The following FAM185A variants were observed in gnomAD, a reference collection of about 807,000 sequenced individuals.
FAM185A encodes family with sequence similarity 185 member A.
FAM185A carries 21 observed loss-of-function variants against 45.7 expected under a neutral mutation model. That is an observed-to-expected ratio of 0.46 (90% CI 0.33 to 0.66). FAM185A has a LOEUF of 0.66. FAM185A is among the 30% of genes least tolerant of loss of function. The pLI is 0.03. For synonymous variants in FAM185A, 117 were observed against 194.0 expected (o/e 0.60, Z 3.30); for missense variants, 305 against 485.4 (o/e 0.63, Z 3.49).
rs1431478540 is a variant in FAM185A at position 102,749,053 on chromosome 7, G to A, written c.-155G>A. 3 of 1,169,246 alleles carry A rather than the reference G, an allele frequency of 2.6e-6. No individual in the cohort carries two copies. The highest frequency in any genetic ancestry group is 2.0e-5 in the Admixed American group (1 of 50,570). The allele number at this position is 1,169,246 out of a possible 1,614,324, so 72.4% of individuals were successfully genotyped here. A position where few individuals can be genotyped will look rare whatever the true frequency, so the allele number is the denominator to read the frequency against. ...GGATTGCGCGGCTGATGTTTAGAAC[G>A]CCTAGTCAAGCCAACCGGCTCGCTC... On this transcript the variant is annotated 5_prime_UTR_variant, in exon 1 of 8. Transcript: ENST00000413034.
At chr7:102,804,587 A>T (rs186125585) in intron 7 of FAM185A, among the ~76,000 whole-genome samples, 17 of 152,356 alleles carry the variant, frequency 1.1e-4, no homozygotes, top group Non-Finnish European at 2.1e-4. Flanking sequence ...ATTCTAGAAG[A>T]TAACATTAGA....
chr7:102,826,724 CATATATATATATATATATAT>C, the FAM185A span, among the ~76,000 whole-genome samples: 59 of 62,732 alleles, frequency 9.4e-4, 2 homozygotes, highest in South Asian at 2.4e-3. Flanking sequence ...GACCCTGTCT[CATATATATATATATATATAT>C]ATATATATAT....
intron 4 of FAM185A, among the ~76,000 whole-genome samples, chr7:102,765,863 T>C (rs1174337286): frequency 6.6e-6 from 1 of 151,826 alleles, no homozygotes; most frequent in Non-Finnish European, 1.5e-5. Context: ...GGTACTTGAA[T>C]AGGTTGTGTT....
intron 4 of FAM185A, among the ~76,000 whole-genome samples, chr7:102,763,501 G>T (rs2129434504): frequency 6.6e-6 from 1 of 152,268 alleles, no homozygotes; most frequent in East Asian, 1.9e-4. Context: ...CATGGGAGAA[G>T]TTGGACTGTG....
At chr7:102,835,830 C>T in the FAM185A span, among the ~76,000 whole-genome samples, 1 of 151,570 alleles carries the variant, frequency 6.6e-6, no homozygotes, top group Non-Finnish European at 1.5e-5. Context: ...GGGATGGTCT[C>T]GATCTCCTGA....
At chr7:102,776,176 C>G (rs936069974) in intron 5 of FAM185A, among the ~76,000 whole-genome samples, 5 of 147,168 alleles carry the variant, frequency 3.4e-5, no homozygotes, top group African/African-American at 1.0e-4. Context: ...TCACCACACT[C>G]CCTACTTTGT....
chr7:102,786,852 G>C (rs1795837448), intron 6 of FAM185A, among the ~76,000 whole-genome samples: 1 of 150,884 alleles, frequency 6.6e-6, no homozygotes. Flanking sequence ...CATGGGCTTT[G>C]TAATTATTGA....
chr7:102,764,988 T>C (rs1262712254), intron 4 of FAM185A, among the ~76,000 whole-genome samples: 1 of 152,270 alleles, frequency 6.6e-6, no homozygotes, highest in Non-Finnish European at 1.5e-5. Flanking sequence ...AGTACCTAAA[T>C]TGGCCAGCCC....
the FAM185A span, among the ~76,000 whole-genome samples, chr7:102,843,350 G>A: frequency 6.6e-5 from 10 of 152,118 alleles, no homozygotes; most frequent in Non-Finnish European, 1.2e-4. Context: ...AGCTGAAGCA[G>A]GAGAATCACT....
chr7:102,807,400 G>A (rs561419984), intron 7 of FAM185A, among the ~76,000 whole-genome samples: 4 of 152,216 alleles, frequency 2.6e-5, no homozygotes, highest in South Asian at 4.1e-4. Context: ...TTTAAAGACT[G>A]CATTTAAAAA....
At chr7:102,793,321 T>C (rs1796249901) in intron 7 of FAM185A, among the ~76,000 whole-genome samples, 1 of 152,022 alleles carries the variant, frequency 6.6e-6, no homozygotes, top group African/African-American at 2.4e-5. Flanking sequence ...CAGGGGTTCT[T>C]CTGCCTCAGC....
At chr7:102,798,375 G>C (rs1033112974) in intron 7 of FAM185A, among the ~76,000 whole-genome samples, 1 of 152,210 alleles carries the variant, frequency 6.6e-6, no homozygotes, top group African/African-American at 2.4e-5. Context: ...TTATTGGCAA[G>C]ATAGAGAAAG....
intron 7 of FAM185A, among the ~76,000 whole-genome samples, chr7:102,788,860 G>A (rs1795983561): frequency 6.6e-6 from 1 of 152,102 alleles, no homozygotes; most frequent in Non-Finnish European, 1.5e-5. Context: ...GTAACACAAT[G>A]GTATTTGTAT....
At chr7:102,763,692 G>A (rs1361718306) in intron 4 of FAM185A, among the ~76,000 whole-genome samples, 1 of 152,148 alleles carries the variant, frequency 6.6e-6, no homozygotes, top group Non-Finnish European at 1.5e-5. Flanking sequence ...TCCCAAAGAC[G>A]GCTGACAGCT....
chr7:102,783,509 C>G (rs1795552121), intron 6 of FAM185A, among the ~76,000 whole-genome samples: 1 of 152,210 alleles, frequency 6.6e-6, no homozygotes, highest in African/African-American at 2.4e-5. Flanking sequence ...CTCAAAACCA[C>G]TCAACTACAT....
At chr7:102,799,144 T>C (rs1009023070) in intron 7 of FAM185A, among the ~76,000 whole-genome samples, 1 of 152,130 alleles carries the variant, frequency 6.6e-6, no homozygotes, top group African/African-American at 2.4e-5. Flanking sequence ...AAATGCAGCA[T>C]AGGCACAGAA....
Position 102,749,295 on chromosome 7 carries a change from G to A in FAM185A, c.88G>A (p.Ala30Thr), listed in dbSNP as rs185867309. The change falls in exon 1 of 8, where the codon GCT becomes ACT. Residue 30 changes from alanine (A) to threonine (T), a missense_variant. Transcript: ENST00000413034. Reference sequence around the variant, plus strand: ...ACTGTGGGCTGGCGCTGGGCGCTGGGCTTGCTGGGCTTGCCAAGCCAGGCC... The same window carrying A: ...ACTGTGGGCTGGCGCTGGGCGCTGGACTTGCTGGGCTTGCCAAGCCAGGCC... ...VRLWAGAGRW[A>T]CWACQARPYS... is the part of the protein sequence containing the mutation. The A allele has an allele frequency of 1.3e-6, 2 of 1,549,884 alleles. No individual in the cohort carries two copies. The highest frequency in any genetic ancestry group is 1.7e-6 in the Non-Finnish European group (2 of 1,146,760).
chr7:102,760,934 T>C (rs1794074936), intron 3 of FAM185A, among the ~76,000 whole-genome samples: 1 of 152,162 alleles, frequency 6.6e-6, no homozygotes, highest in African/African-American at 2.4e-5. Flanking sequence ...TAGGATAAAA[T>C]GAAATTTTAA....
the FAM185A span, chr7:102,822,451 G>C: frequency 1.6e-6 from 1 of 622,860 alleles, no homozygotes; most frequent in Non-Finnish European, 3.0e-6. Context: ...CTTCTCACAT[G>C]GCAGAGAGAG....
Sources: allele counts gnomAD v4.1 joint callset (sites outside exome capture counted in the v4.1 genomes callset), GRCh38; gene constraint gnomAD v4.1.1; transcripts MANE v1.5; gene names NCBI Gene and HGNC (gene_info 2026-07-23, HGNC 2026-07-21).